Variants in LMX1A observed in about 807,000 individuals in gnomAD.
The protein encoded by LMX1A is LIM homeobox transcription factor 1-alpha.
Under a neutral mutation model 49.1 loss-of-function variants are expected in LMX1A, and 15 were observed. The ratio of observed to expected loss-of-function variants is 0.31; its 90% CI spans 0.20 to 0.47. The LOEUF is 0.47. LMX1A is among the 20% of genes least tolerant of loss of function. The pLI is 1.00. For synonymous variants in LMX1A, 167 were observed against 185.7 expected, an observed-to-expected ratio of 0.90 and a Z score of 0.82; for missense variants, 372 against 475.8, an observed-to-expected ratio of 0.78 and a Z score of 2.03.
chr1:165,237,249 A>G lies in LMX1A; in HGVS notation c.496+12159T>C, dbSNP rs538637676. Among the ~76,000 whole-genome samples, 25 of 152,302 alleles carry G rather than the reference A, an allele frequency of 1.6e-4. No homozygotes were observed. In the South Asian group the frequency reaches 5.2e-3, roughly 32 times the overall value. ...ATCTTTATTTATTTATTTGAGATGG[A>G]GTCTCGCTCTGTCGCCCAGGCTGGA... is the stretch of plus-strand genomic sequence containing the variant. On this transcript the variant is annotated intron_variant, in intron 4 of 8. Transcript: ENST00000342310.
intron 3 of LMX1A, among the ~76,000 whole-genome samples, chr1:165,251,230 A>G (rs1313367258): frequency 6.6e-5 from 10 of 152,116 alleles, no homozygotes; most frequent in African/African-American, 2.4e-4. Context: ...TTAAAGGTGC[A>G]TGTCACCATG....
chr1:165,275,341 G>A (rs142675478), intron 3 of LMX1A, among the ~76,000 whole-genome samples: 1 of 152,352 alleles, frequency 6.6e-6, no homozygotes, highest in East Asian at 1.9e-4. Flanking sequence ...ATTAGCAACT[G>A]TGAACAACAC....
intron 4 of LMX1A, among the ~76,000 whole-genome samples, chr1:165,248,079 G>A (rs1652922231): frequency 6.6e-6 from 1 of 152,184 alleles, no homozygotes; most frequent in East Asian, 1.9e-4. Flanking sequence ...AATCAAACAT[G>A]TAACTACAAT....
chr1:165,329,594 G>A (rs1346254633), intron 3 of LMX1A, among the ~76,000 whole-genome samples: 1 of 151,782 alleles, frequency 6.6e-6, no homozygotes, highest in Admixed American at 6.6e-5. Context: ...GGCAGAGGCA[G>A]TAAGTGCCCA....
At chr1:165,270,770 G>A (rs1653768703) in intron 3 of LMX1A, among the ~76,000 whole-genome samples, 1 of 152,104 alleles carries the variant, frequency 6.6e-6, no homozygotes. Context: ...AGAACACTGT[G>A]GGAAGAATAT....
intron 3 of LMX1A, among the ~76,000 whole-genome samples, chr1:165,311,525 C>T (rs1365094725): frequency 6.6e-6 from 1 of 152,182 alleles, no homozygotes; most frequent in Non-Finnish European, 1.5e-5. Flanking sequence ...CTCTTAACAC[C>T]CTCATGCCCC....
chr1:165,302,445 A>AAAAAT, intron 3 of LMX1A, among the ~76,000 whole-genome samples: 1 of 152,256 alleles, frequency 6.6e-6, no homozygotes, highest in East Asian at 1.9e-4. Flanking sequence ...CTCCATCAAA[A>AAAAAT]AAAATAAAAT....
intron 3 of LMX1A, among the ~76,000 whole-genome samples, chr1:165,259,407 C>A (rs1653357584): frequency 6.6e-6 from 1 of 152,186 alleles, no homozygotes; most frequent in South Asian, 2.1e-4. Flanking sequence ...CCATGTTTAG[C>A]CAACCAGAGC....
At chr1:165,225,451 A>C (rs145815063) in intron 4 of LMX1A, among the ~76,000 whole-genome samples, 1,545 of 152,342 alleles carry the variant, frequency 0.01, 16 homozygotes, top group Middle Eastern at 0.054. Context: ...AATGTTGATG[A>C]AATCATTGCT....
At chr1:165,300,118 C>T (rs1030963501) in intron 3 of LMX1A, among the ~76,000 whole-genome samples, 12 of 152,154 alleles carry the variant, frequency 7.9e-5, no homozygotes, top group Admixed American at 2.6e-4. Context: ...GAGCATGCCC[C>T]CCAACGAGTG....
intron 3 of LMX1A, among the ~76,000 whole-genome samples, chr1:165,263,118 T>C (rs1270196456): frequency 6.6e-6 from 1 of 152,210 alleles, no homozygotes; most frequent in African/African-American, 2.4e-5. Flanking sequence ...GTTCTCTTCT[T>C]TATCTATGCT....
intron 3 of LMX1A, among the ~76,000 whole-genome samples, chr1:165,345,514 T>C (rs1222162274): frequency 8.7e-6 from 1 of 114,576 alleles, no homozygotes; most frequent in East Asian, 3.5e-4. Flanking sequence ...CACTTGGCAC[T>C]TCTCTCACCC....
chr1:165,324,285 C>T (rs1434172112), intron 3 of LMX1A, among the ~76,000 whole-genome samples: 1 of 152,188 alleles, frequency 6.6e-6, no homozygotes, highest in Non-Finnish European at 1.5e-5. Flanking sequence ...GAACTCAGGG[C>T]TCTGGTCAAA....
intron 4 of LMX1A, among the ~76,000 whole-genome samples, chr1:165,234,156 A>G (rs1158896227): frequency 1.3e-5 from 2 of 152,140 alleles, no homozygotes; most frequent in African/African-American, 4.8e-5. Flanking sequence ...TCTCACTCAC[A>G]CCAGGATCTC....
At chr1:165,275,847 A>ATGTGTGTGTGTGTGTG (rs529022372) in intron 3 of LMX1A, among the ~76,000 whole-genome samples, 29 of 139,076 alleles carry the variant, frequency 2.1e-4, no homozygotes, top group East Asian at 4.5e-4. Flanking sequence ...GTGTGTGTGT[A>ATGTGTGTGTGTGTGTG]TGTGTGTGTG....
chr1:165,353,295 G>T, intron 2 of LMX1A, 33 bp from the exon 3 acceptor site: 2 of 1,589,052 alleles, frequency 1.3e-6, no homozygotes, highest in Non-Finnish European at 8.6e-7. Context: ...CGGGTGAGCA[G>T]CCCGGGCAGG....
intron 3 of LMX1A, among the ~76,000 whole-genome samples, chr1:165,308,341 G>T (rs1504697): frequency 0.19 from 28,709 of 152,042 alleles, 2,922 homozygotes; most frequent in African/African-American, 0.22. Flanking sequence ...GGTTCCTCCA[G>T]TGCAAATGGA....
chr1:165,305,990 A>G (rs1288705944), intron 3 of LMX1A, among the ~76,000 whole-genome samples: 2 of 152,176 alleles, frequency 1.3e-5, no homozygotes, highest in Non-Finnish European at 2.9e-5. Flanking sequence ...GAGAAGTACA[A>G]TGCGTTACTA....
chr1:165,271,858 A>G (rs73013420), intron 3 of LMX1A, among the ~76,000 whole-genome samples: 3,097 of 152,152 alleles, frequency 0.02, 89 homozygotes, highest in African/African-American at 0.065. Flanking sequence ...GCAGAATAAG[A>G]CTGTCTATAA....
Sources: allele counts gnomAD v4.1 joint callset (sites outside exome capture counted in the v4.1 genomes callset), GRCh38; gene constraint gnomAD v4.1.1; transcripts MANE v1.5; gene names NCBI Gene and HGNC (gene_info 2026-07-23, HGNC 2026-07-21).